Variants in ROS1 observed in about 807,000 individuals in gnomAD.
The protein encoded by ROS1 is ROS proto-oncogene 1, receptor tyrosine kinase.
In ROS1, 263 loss-of-function variants were observed where a neutral mutation model predicts 273.5. That is an observed-to-expected ratio of 0.96 (90% CI 0.87 to 1.06). The LOEUF (loss-of-function observed/expected upper bound fraction) is 1.06. Among genes scored for constraint, ROS1 ranks in the 50% least tolerant of loss-of-function variants. The probability of loss-of-function intolerance (pLI) is 0.00; values close to 1 mark genes in which losing one functional copy is unlikely to be tolerated. For missense variants in ROS1, 2,833 were observed against 2,751.1 expected (o/e 1.03, Z -0.67); for synonymous variants, 1,008 against 954.1 (o/e 1.06, Z -1.04).
At chr6:117,354,047 T>C (rs1779091453) in intron 26 of ROS1, among the ~76,000 whole-genome samples, 1 of 152,098 alleles carries the variant, frequency 6.6e-6, no homozygotes, top group Non-Finnish European at 1.5e-5. Flanking sequence ...TACTTGAATT[T>C]TTCCTCCAAA....
At chr6:117,367,960 C>T (rs1188926803) in intron 18 of ROS1, among the ~76,000 whole-genome samples, 1 of 152,210 alleles carries the variant, frequency 6.6e-6, no homozygotes, top group Non-Finnish European at 1.5e-5. Context: ...CTTCCTCCTA[C>T]TCTTGGTTAG....
rs372807954 is a variant in ROS1 at position 117,288,557 on chromosome 6, C to G, written c.6961G>C (p.Gly2321Arg). 45 of 1,614,038 alleles carry G rather than the reference C, an allele frequency of 2.8e-5. No individual in the cohort carries two copies. The highest frequency in any genetic ancestry group is 3.7e-5 in the Non-Finnish European group (44 of 1,180,026). ...GCATAGTTCAGGCCTTCAGGCTTGC[C>G]AGAAGGGCAGTAAGCCACTTGTTTT... ...QEKQVAYCPSGKPEGLNYACL... is the reference protein window; with the variant it reads ...QEKQVAYCPSRKPEGLNYACL... Residue 2321 changes from glycine (G) to arginine (R), a missense_variant, in exon 44 of 44, where the codon GGC (glycine) becomes CGC (arginine). Transcript: ENST00000368507.
chr6:117,340,323 T>C (rs1218670594), intron 31 of ROS1, among the ~76,000 whole-genome samples: 1 of 152,122 alleles, frequency 6.6e-6, no homozygotes, highest in Non-Finnish European at 1.5e-5. Flanking sequence ...ATAATAATTT[T>C]AAACATCCTG....
At chr6:117,370,607 T>C (rs1362603685) in intron 18 of ROS1, among the ~76,000 whole-genome samples, 1 of 152,156 alleles carries the variant, frequency 6.6e-6, no homozygotes, top group Non-Finnish European at 1.5e-5. Context: ...GTAAAACATA[T>C]GACACGAAGA....
chr6:117,345,630 T>A (rs1180750308), intron 27 of ROS1, among the ~76,000 whole-genome samples: 1 of 152,108 alleles, frequency 6.6e-6, no homozygotes, highest in Admixed American at 6.6e-5. Flanking sequence ...GTAAGAAAAT[T>A]AGGGGGTAAA....
At chr6:117,294,107 T>C (rs1774035701) in intron 43 of ROS1, among the ~76,000 whole-genome samples, 1 of 152,182 alleles carries the variant, frequency 6.6e-6, no homozygotes, top group Non-Finnish European at 1.5e-5. Context: ...AGATTTAGCA[T>C]TCTTTCATAA....
At chr6:117,386,625 T>G (rs751509691) in intron 15 of ROS1, among the ~76,000 whole-genome samples, 6 of 152,262 alleles carry the variant, frequency 3.9e-5, no homozygotes, top group Non-Finnish European at 8.8e-5. Context: ...ATTGGTAGAT[T>G]AATACATCAG....
At chr6:117,305,793 T>C (rs1775054339) in intron 42 of ROS1, among the ~76,000 whole-genome samples, 1 of 152,316 alleles carries the variant, frequency 6.6e-6, no homozygotes, top group Middle Eastern at 3.4e-3. Flanking sequence ...CTTACAAATA[T>C]GTCCTTGTCA....
At chr6:117,304,617 C>T (rs1170669351) in intron 42 of ROS1, among the ~76,000 whole-genome samples, 2 of 152,164 alleles carry the variant, frequency 1.3e-5, no homozygotes, top group African/African-American at 4.8e-5. Flanking sequence ...AAACATGAAA[C>T]TGAGACATGA....
intron 7 of ROS1, among the ~76,000 whole-genome samples, chr6:117,401,696 T>C (rs999375272): frequency 6.6e-6 from 1 of 151,886 alleles, no homozygotes; most frequent in African/African-American, 2.4e-5. Context: ...TAGAACAATG[T>C]CTGGTATATA....
rs1454128810 is a variant in ROS1, at chr6:117,385,791, A to G, written c.2181T>C (p.Asn727=). The G allele has an allele frequency of 1.9e-6, 3 of 1,614,214 alleles. No individual in the cohort carries two copies. In the South Asian group the frequency reaches 3.3e-5, roughly 18 times the overall value. The change falls in exon 16 of 44, where the codon AAT becomes AAC. Residue 727 remains asparagine, a synonymous_variant. Transcript: ENST00000368507. Reference sequence around the variant, plus strand: ...GATAATTCTCTGAGATATCCGTCCCATTCAGCAGCCACACAAAAACGTCGC... The same window carrying G: ...GATAATTCTCTGAGATATCCGTCCCGTTCAGCAGCCACACAAAAACGTCGC... The part of the protein sequence containing the change: ...TKGDVFVWLL[N]GTDISENYHL...
Position 117,356,784 on chromosome 6 carries a change from C to T in ROS1, c.3971G>A (p.Cys1324Tyr). 1 of 1,614,150 alleles carries T rather than the reference C, an allele frequency of 6.2e-7. No homozygotes were observed. The highest frequency in any genetic ancestry group is 8.5e-7 in the Non-Finnish European group (1 of 1,180,028). The change falls in exon 26 of 44, where the codon TGT becomes TAT. Residue 1324 changes from cysteine (C) to tyrosine (Y), a missense_variant. Physicochemically the swap from Cys to Tyr is radical, Grantham distance 194 (BLOSUM62 -2). Coordinates refer to ENST00000368507, the MANE Select transcript of ROS1 (RefSeq NM_001378902.1). ...ACTTAACTCAAATTCAGTCACATTA[C>T]AAGAACATTGATTCCTTTTGTTTTG... ...NQQNKRNQCS[C>Y]NVTEFELSGA...
chr6:117,365,485 T>C, intron 20 of ROS1, 96 bp downstream of exon 20: 1 of 1,047,058 alleles, frequency 9.6e-7, no homozygotes, highest in Non-Finnish European at 1.5e-6. Context: ...AAGATGGGCT[T>C]GGCTAAGTCA....
chr6:117,325,760 C>A (rs1055910758), intron 34 of ROS1, among the ~76,000 whole-genome samples: 24 of 152,112 alleles, frequency 1.6e-4, no homozygotes, highest in Admixed American at 7.2e-4. Context: ...ACTGAGATTT[C>A]CTGCCTATGT....
intron 38 of ROS1, 109 bp from the exon 39 acceptor site, chr6:117,317,381 C>T (rs1416643556): frequency 7.8e-7 from 1 of 1,278,932 alleles, no homozygotes. Flanking sequence ...TTCAAAACCC[C>T]TGACTTAGTG....
At chr6:117,324,615 CT>C (rs144721911) in intron 34 of ROS1, among the ~76,000 whole-genome samples, 200 bp from the exon 35 acceptor site, 1 of 151,188 alleles carries the variant, frequency 6.6e-6, no homozygotes, top group Non-Finnish European at 1.5e-5. Context: ...GGTGTTTTTG[CT>C]TTTTTTTGCA....
At chr6:117,346,911 T>C (rs1392199635) in intron 27 of ROS1, among the ~76,000 whole-genome samples, 2 of 124,394 alleles carry the variant, frequency 1.6e-5, no homozygotes, top group African/African-American at 5.1e-5. Flanking sequence ...CGCCACTTCT[T>C]CCCCCAGCCT....
At chr6:117,377,915 A>G (rs1420760349) in intron 18 of ROS1, among the ~76,000 whole-genome samples, 1 of 152,216 alleles carries the variant, frequency 6.6e-6, no homozygotes, top group Admixed American at 6.5e-5. Context: ...ATGGCTGATA[A>G]CAAATGAAAA....
chr6:117,300,603 C>T (rs530322721), intron 43 of ROS1, among the ~76,000 whole-genome samples: 58 of 152,104 alleles, frequency 3.8e-4, no homozygotes, highest in African/African-American at 1.4e-3. Context: ...CCTGCATAGG[C>T]CAATGATGAT....
Sources: gnomAD v4.1 joint callset for allele counts (sites outside exome capture counted in the v4.1 genomes callset) on GRCh38, gnomAD v4.1.1 for gene constraint, MANE v1.5 for transcripts, NCBI Gene and HGNC (gene_info 2026-07-23, HGNC 2026-07-21) for gene names.